Variants in ITGAD observed in about 807,000 individuals in gnomAD.
ITGAD encodes the protein integrin subunit alpha D.
A neutral mutation model predicts 139.0 loss-of-function variants in ITGAD; 105 were observed. The observed-to-expected ratio is 0.76, with a 90% CI of 0.65 to 0.89. The LOEUF (loss-of-function observed/expected upper bound fraction) is 0.89. ITGAD is among the 40% of genes least tolerant of loss of function. The pLI is 0.00. For synonymous variants in ITGAD, 569 were observed against 598.3 expected (o/e 0.95, Z 0.71); for missense variants, 1,384 against 1,487.3 (o/e 0.93, Z 1.14).
In ITGAD at chr16:31,403,596, G is replaced by A. The variant is rs751119063; in HGVS notation, c.655G>A (p.Val219Ile). 8.1e-6 allele frequency: 13 copies of A among 1,614,146 alleles called. No individual in the cohort carries two copies. Among genetic ancestry groups the A allele is most frequent in the East Asian group, 4.5e-5 (2 of 44,880 alleles). ...PSQQSLVDPI[V>I]QLKGLTFTAT... ...CCAGCAGAGCCTGGTGGATCCCATC[G>A]TCCAACTGAAAGGCCTGACGTTCAC... Residue 219 changes from valine to isoleucine, a missense_variant, in exon 7 of 30, where the codon GTC (valine) becomes ATC (isoleucine). Physicochemically the swap from Val to Ile is conservative, Grantham distance 29 (BLOSUM62 3). Transcript: ENST00000389202. This position sits in a 1 kb window ranked among gnomAD's most constrained non-coding sequence, Gnocchi z 4.4.
rs780892736 is a variant in ITGAD at position 31,397,792 on chromosome 16, C to A, written c.313-3C>A. ...CTCCTGGCTCACAGGCTTCTGCCTC[C>A]AGGCCTGTGGCCCGACCCTGCACAG... On this transcript the variant is annotated splice_region_variant and splice_polypyrimidine_tract_variant and intron_variant, in intron 4 of 29. Transcript: ENST00000389202. 11 of 1,611,034 alleles carry A rather than the reference C, an allele frequency of 6.8e-6. No individual in the cohort carries two copies. In the African/African-American group the frequency reaches 1.3e-4, roughly 20 times the overall value.
chr16:31,403,370 C>A lies in ITGAD; in HGVS notation c.559-130C>A. On this transcript the variant is annotated intron_variant, in intron 6 of 29. Coordinates refer to ENST00000389202, the MANE Select transcript of ITGAD (RefSeq NM_005353.3). This position sits in a 1 kb window ranked among gnomAD's most constrained non-coding sequence, Gnocchi z 4.4. ...ATGTGACGTGTGCCTGTAGTTCCAG[C>A]TACTTGGAGGCTGAGGCAGGAGGAT... is the stretch of plus-strand genomic sequence containing the variant. 1 of 1,060,762 alleles carries A rather than the reference C, an allele frequency of 9.4e-7. No homozygotes were observed. The highest frequency in any genetic ancestry group is 1.4e-6 in the Non-Finnish European group (1 of 723,936). The allele number at this position is 1,060,762 out of a possible 1,614,324, so 65.7% of individuals were successfully genotyped here.
rs2082049884 is a variant in ITGAD, at chr16:31,423,579, CTG to C, written c.2980_2981del (p.Val994PhefsTer10). On this transcript the variant is annotated frameshift_variant, in exon 26 of 30. Transcript: ENST00000389202. LOFTEE classifies it high-confidence loss of function. ...CTTCTTTCTCTTCCCAGAGTCTCCC[CTG>C]TGTTTCAGAGAGAAAACCTCCCCAG... ...VMEAPSQSLPCVSERKPPQHS... is the reference protein window; with the variant it reads ...VMEAPSQSLPXVSERKPPQHS... 1 of 1,613,920 alleles carries C rather than the reference CTG, an allele frequency of 6.2e-7. No homozygotes were observed. Among genetic ancestry groups the C allele is most frequent in the African/African-American group, 1.3e-5 (1 of 74,902 alleles).
Position 31,424,597 on chromosome 16 carries a change from C to CTTTTTT in ITGAD, c.3372+31_3372+36dup. On this transcript the variant is annotated intron_variant, in intron 29 of 29. Coordinates refer to ENST00000389202, the MANE Select transcript of ITGAD (RefSeq NM_005353.3). ...TACAAGGCAAGTGTTTTATCCAACT[C>CTTTTTT]TTTTTTTTTTTTTTTTGAGATGGAG... 8.3e-7 allele frequency: 1 copy of CTTTTTT among 1,201,020 alleles called. No homozygotes were observed. Among genetic ancestry groups the CTTTTTT allele is most frequent in the Non-Finnish European group, 1.1e-6 (1 of 871,614 alleles). The allele number at this position is 1,201,020 out of a possible 1,614,324, so 74.4% of individuals were successfully genotyped here. A position where few individuals can be genotyped will look rare whatever the true frequency, so the allele number is the denominator to read the frequency against.
chr16:31,412,550 G>A (rs1027518347), intron 14 of ITGAD, among the ~76,000 whole-genome samples: 2 of 152,052 alleles, frequency 1.3e-5, no homozygotes, highest in African/African-American at 4.8e-5. Flanking sequence ...CCTTGCCCAC[G>A]GCCTCGTGGC....
Position 31,394,341 on chromosome 16 carries a change from G to T in ITGAD, c.137G>T (p.Arg46Leu). Residue 46 changes from arginine to leucine, a missense_variant and splice_region_variant, in exon 2 of 30, where the codon CGA becomes CTA. Transcript: ENST00000389202. ...GQSVVQFGGS[R>L]LVVGAPLEVV... ...AGCGTGGTGCAGTTCGGTGGATCTCGGTAGGCCCCACTCACCCTCCTTCCC... is the reference window on the plus strand; with the variant it reads ...AGCGTGGTGCAGTTCGGTGGATCTCTGTAGGCCCCACTCACCCTCCTTCCC... The T allele has an allele frequency of 6.2e-7, 1 of 1,610,532 alleles. No homozygotes were observed.
intron 5 of ITGAD, among the ~76,000 whole-genome samples, chr16:31,399,913 G>A (rs1239015942): frequency 6.6e-6 from 1 of 152,236 alleles, no homozygotes; most frequent in Non-Finnish European, 1.5e-5. Flanking sequence ...GGTTCAGATA[G>A]ATGAGTTCCA....
Position 31,403,585 on chromosome 16 carries a change from T to C in ITGAD, c.644T>C (p.Val215Ala), listed in dbSNP as rs773083967. 1.1e-5 allele frequency: 18 copies of C among 1,614,146 alleles called. No homozygotes were observed. The South Asian group carries it at 2.0e-4, about 18-fold the overall frequency. The change falls in exon 7 of 30, where the codon GTG becomes GCG. Residue 215 changes from valine to alanine, a missense_variant. Val to Ala is a moderately conservative substitution (Grantham distance 64). Transcript: ENST00000389202. This position sits in a 1 kb window ranked among gnomAD's most constrained non-coding sequence, Gnocchi z 4.4. Reference sequence around the variant, plus strand: ...ACCAGCCCGAGCCAGCAGAGCCTGGTGGATCCCATCGTCCAACTGAAAGGC... The same window carrying C: ...ACCAGCCCGAGCCAGCAGAGCCTGGCGGATCCCATCGTCCAACTGAAAGGC... ...FRTSPSQQSLVDPIVQLKGLT... is the reference protein window; with the variant it reads ...FRTSPSQQSLADPIVQLKGLT...
At chr16:31,412,696 C>A in intron 14 of ITGAD, 142 bp from the exon 15 acceptor site, 1 of 1,019,286 alleles carries the variant, frequency 9.8e-7, no homozygotes, top group Non-Finnish European at 1.5e-6. Flanking sequence ...CTCCTCTTTT[C>A]AGGCTCTTGT....
intron 23 of ITGAD, among the ~76,000 whole-genome samples, chr16:31,421,224 G>A (rs901708111): frequency 3.3e-5 from 5 of 152,128 alleles, no homozygotes; most frequent in African/African-American, 7.2e-5. Context: ...AGACCCAGAC[G>A]GTTTGGCTGC....
In ITGAD at chr16:31,403,818, GC is replaced by G; in HGVS notation, c.704+175del. ...CCGGGGTGCTCCTGGTTGCCTCGCT[GC>G]CAGTCTCCCTGATATAGGACTAGGC... is the stretch of plus-strand genomic sequence containing the variant. On this transcript the variant is annotated intron_variant, in intron 7 of 29. Coordinates refer to ENST00000389202, the MANE Select transcript of ITGAD (RefSeq NM_005353.3). This position sits in a 1 kb window ranked among gnomAD's most constrained non-coding sequence, Gnocchi z 4.4. 1 of 699,866 alleles carries G rather than the reference GC, an allele frequency of 1.4e-6. No homozygotes were observed. Among genetic ancestry groups the G allele is most frequent in the Non-Finnish European group, 2.4e-6 (1 of 424,708 alleles). 43.4% of individuals were successfully genotyped at this position (699,866 alleles called of 1,614,324 possible). A position where few individuals can be genotyped will look rare whatever the true frequency, so the allele number is the denominator to read the frequency against.
At chr16:31,415,106 C>T (rs1355477316) in intron 18 of ITGAD, 115 bp downstream of exon 18, 1 of 1,188,902 alleles carries the variant, frequency 8.4e-7, no homozygotes, top group African/African-American at 1.5e-5. Flanking sequence ...AACCTGACTC[C>T]AGTCTCTCCC....
At position 31,413,240 on chromosome 16, in the gene ITGAD, C is replaced by G. The variant is rs776798550; in HGVS notation, c.1990C>G (p.Gln664Glu). The change falls in exon 16 of 30, where the codon CAG (glutamine) becomes GAG (glutamate). Residue 664 changes from glutamine to glutamate, a missense_variant. Transcript: ENST00000389202. Reference sequence around the variant, plus strand: ...CACCATCCAGAAAAGCTCACTGGACCAGCTAGGTGTGTTTCCCCCATAAAG... The same window carrying G: ...CACCATCCAGAAAAGCTCACTGGACGAGCTAGGTGTGTTTCCCCCATAAAG... ...CLTIQKSSLD[Q>E]LGDIQSSVRF... 12 of 1,613,896 alleles carry G rather than the reference C, an allele frequency of 7.4e-6. No homozygotes were observed. The highest frequency in any genetic ancestry group is 1.7e-5 in the Admixed American group (1 of 59,980).
rs1231549952 is a variant in ITGAD, at chr16:31,394,301, G to C, written c.97G>C (p.Gly33Arg). 1.2e-6 allele frequency: 2 copies of C among 1,613,810 alleles called. No individual in the cohort carries two copies. Among genetic ancestry groups the C allele is most frequent in the Non-Finnish European group, 1.7e-6 (2 of 1,179,894 alleles). ...GCCTACGATCTTCCAGGAGGATGCA[G>C]GCGGCTTTGGGCAGAGCGTGGTGCA... Reference protein sequence around the residue: ...EEPTIFQEDAGGFGQSVVQFG... With the variant: ...EEPTIFQEDARGFGQSVVQFG... Residue 33 changes from glycine to arginine, a missense_variant, in exon 2 of 30, where the codon GGC (glycine) becomes CGC (arginine). Physicochemically the swap from Gly to Arg is moderately radical, Grantham distance 125. Transcript: ENST00000389202.
intron 5 of ITGAD, among the ~76,000 whole-genome samples, chr16:31,398,427 C>CAAA (rs941556814): frequency 2.7e-5 from 2 of 73,330 alleles, no homozygotes; most frequent in African/African-American, 4.7e-5. Flanking sequence ...AACTCCATCT[C>CAAA]AAAAAAAAAA....
chr16:31,393,369 C>T lies in ITGAD; in HGVS notation c.9C>T (p.Phe3=), dbSNP rs773502631. MT[F]GTVLLLSVLA... is the part of the protein sequence containing the mutation. ...CAACGCGCTGCTCAGGGATGACCTT[C>T]GGCACTGTGCTTCTTCTGAGTGGTA... is the stretch of plus-strand genomic sequence containing the variant. Residue 3 remains phenylalanine, a synonymous_variant, in exon 1 of 30, where the codon TTC becomes TTT. Coordinates refer to ENST00000389202, the MANE Select transcript of ITGAD (RefSeq NM_005353.3). The T allele has an allele frequency of 1.9e-5, 31 of 1,613,986 alleles. No homozygotes were observed. The highest frequency in any genetic ancestry group is 6.7e-5 in the East Asian group (3 of 44,880).
At chr16:31,395,941 G>A (rs2081255012) in intron 2 of ITGAD, among the ~76,000 whole-genome samples, 1 of 152,136 alleles carries the variant, frequency 6.6e-6, no homozygotes, top group African/African-American at 2.4e-5. Flanking sequence ...CCAGGCACCA[G>A]GCTTTTGTTT....
At chr16:31,414,359 C>T in intron 16 of ITGAD, 92 bp from the exon 17 acceptor site, 2 of 1,393,410 alleles carry the variant, frequency 1.4e-6, no homozygotes, top group East Asian at 4.6e-5. Context: ...ATAGCAGTGT[C>T]CAGCAAACAT....
intron 20 of ITGAD, 32 bp from the exon 21 acceptor site, chr16:31,418,043 G>C (rs749563850): frequency 1.3e-6 from 2 of 1,571,262 alleles, no homozygotes; most frequent in African/African-American, 1.3e-5. Flanking sequence ...ATGCATGCGG[G>C]TAACTTCTTA....
Sources: gnomAD v4.1 joint callset for allele counts (sites outside exome capture counted in the v4.1 genomes callset) on GRCh38, gnomAD v4.1.1 for gene constraint, Gnocchi (gnomAD v3.1) non-coding constraint, MANE v1.5 for transcripts, NCBI Gene and HGNC (gene_info 2026-07-23, HGNC 2026-07-21) for gene names.